The following TXNRD2 variants were observed in gnomAD, a reference collection of about 807,000 sequenced individuals.
The protein encoded by TXNRD2 is thioredoxin reductase 2, mitochondrial.
Under a neutral mutation model 70.8 loss-of-function variants are expected in TXNRD2, and 67 were observed. The ratio of observed to expected loss-of-function variants is 0.95; its 90% CI spans 0.78 to 1.16. The LOEUF (loss-of-function observed/expected upper bound fraction) is 1.16. Ranked by LOEUF, TXNRD2 falls within the 50% of genes most tolerant of loss-of-function variation. The pLI, the probability that TXNRD2 is intolerant of heterozygous loss-of-function variation, is 0.00. For synonymous variants in TXNRD2, 301 were observed against 295.8 expected (o/e 1.02, Z -0.18); for missense variants, 644 against 719.9 (o/e 0.89, Z 1.21).
intron 8 of TXNRD2, chr22:19,903,095 G>A (rs1235330962): frequency 5.9e-6 from 3 of 512,058 alleles, no homozygotes; most frequent in Admixed American, 2.0e-5. Flanking sequence ...CTCAGAGGGT[G>A]GACAGGCCTG....
rs7287073 is a variant in TXNRD2, at chr22:19,876,812, G to A, written c.*65+228C>T. On this transcript the variant is annotated intron_variant, in intron 17 of 17. Transcript: ENST00000400521. ...TTTCTTGATACCTCCTGTGTGTGGG[G>A]AGCAGCTGTGGCCAGGCCGGGGTCT... is the stretch of plus-strand genomic sequence containing the variant. 0.12 allele frequency: 37,052 copies of A among 313,650 alleles called. 2,706 individuals are homozygous for A. The highest frequency in any genetic ancestry group is 0.17 in the Middle Eastern group (205 of 1,174). The allele number at this position is 313,650 out of a possible 1,614,324, so 19.4% of individuals were successfully genotyped here. A position where few individuals can be genotyped will look rare whatever the true frequency, so the allele number is the denominator to read the frequency against.
intron 8 of TXNRD2, 31 bp downstream of exon 8, chr22:19,911,346 G>C (rs1314947471): frequency 6.3e-7 from 1 of 1,580,554 alleles, no homozygotes; most frequent in Non-Finnish European, 8.7e-7. Flanking sequence ...TGAACAAAAA[G>C]AGGACCCCAC....
At chr22:19,896,981 T>C (rs1939537092) in intron 10 of TXNRD2, among the ~76,000 whole-genome samples, 1 of 152,178 alleles carries the variant, frequency 6.6e-6, no homozygotes, top group African/African-American at 2.4e-5. Context: ...CTGCCTAGAC[T>C]GTGCATCCTC....
chr22:19,941,462 C>A, intron 1 of TXNRD2: 1 of 560,978 alleles, frequency 1.8e-6, no homozygotes, highest in Non-Finnish European at 2.8e-6. Context: ...CAGGTGCAGT[C>A]AGCACAGCAG....
Position 19,941,807 on chromosome 22 carries a change from C to T in TXNRD2, c.-4G>A, listed in dbSNP as rs774265748. 6.6e-7 allele frequency: 1 copy of T among 1,509,780 alleles called. No homozygotes were observed. The highest frequency in any genetic ancestry group is 8.8e-7 in the Non-Finnish European group (1 of 1,137,550). The allele number at this position is 1,509,780 out of a possible 1,614,324, so 93.5% of individuals were successfully genotyped here. ...GCGCCACCGCCATTGCCGCCATCGT[C>T]GTGGGGCTTCTGGGGCAGCTAGGGC... On this transcript the variant is annotated 5_prime_UTR_variant, in exon 1 of 18. Transcript: ENST00000400521.
chr22:19,896,545 C>T (rs973855202), intron 10 of TXNRD2, among the ~76,000 whole-genome samples: 6 of 152,094 alleles, frequency 3.9e-5, no homozygotes, highest in Non-Finnish European at 7.4e-5. Flanking sequence ...ACTCTGCTCC[C>T]GCCTAGAAAT....
Position 19,880,338 on chromosome 22 carries a change from GAC to G in TXNRD2, c.1183-69_1183-68del, listed in dbSNP as rs1938709464. On this transcript the variant is annotated intron_variant, in intron 13 of 17. Transcript: ENST00000400521. Reference sequence around the variant, plus strand: ...AAAACCGAAGTTCCCCACTGCATGTGACACAAAGAGCAGCGATCACAGACCAG... The same window carrying G: ...AAAACCGAAGTTCCCCACTGCATGTGACAAAGAGCAGCGATCACAGACCAG... 16 of 1,492,532 alleles carry G rather than the reference GAC, an allele frequency of 1.1e-5. No individual in the cohort carries two copies. In the Admixed American group the frequency reaches 2.8e-4, roughly 26 times the overall value. The allele number at this position is 1,492,532 out of a possible 1,614,324, so 92.5% of individuals were successfully genotyped here.
chr22:19,913,381 C>T (rs1322829237), intron 7 of TXNRD2, among the ~76,000 whole-genome samples: 1 of 152,208 alleles, frequency 6.6e-6, no homozygotes, highest in Admixed American at 6.5e-5. Context: ...CAGCCCTGAA[C>T]AGTGATGTGT....
At chr22:19,890,826 CAGT>C in intron 11 of TXNRD2, among the ~76,000 whole-genome samples, 1 of 152,226 alleles carries the variant, frequency 6.6e-6, no homozygotes, top group East Asian at 1.9e-4. Flanking sequence ...TGAGCAAAGA[CAGT>C]TGCCTGCCGT....
intron 1 of TXNRD2, among the ~76,000 whole-genome samples, chr22:19,934,504 G>C (rs1279275972): frequency 6.6e-6 from 1 of 151,818 alleles, no homozygotes; most frequent in South Asian, 2.1e-4. Context: ...AACATAAATA[G>C]TGAAGATTTC....
intron 8 of TXNRD2, among the ~76,000 whole-genome samples, chr22:19,909,902 C>CT (rs1569094011): frequency 5.2e-4 from 49 of 95,064 alleles, no homozygotes; most frequent in Middle Eastern, 5.6e-3. Flanking sequence ...CACACACACA[C>CT]CACACACCCA....
chr22:19,924,372 C>CA (rs2146068325), intron 2 of TXNRD2, among the ~76,000 whole-genome samples: 1 of 152,328 alleles, frequency 6.6e-6, no homozygotes, highest in Non-Finnish European at 1.5e-5. Flanking sequence ...CCACCCCCCG[C>CA]ACCCTAAGGC....
chr22:19,898,161 A>G (rs1484346728), intron 9 of TXNRD2, 31 bp from the exon 10 acceptor site: 2 of 1,546,946 alleles, frequency 1.3e-6, no homozygotes, highest in South Asian at 2.4e-5. Flanking sequence ...AGCACTGTAG[A>G]TCCCAATTTT....
At chr22:19,891,407 A>T (rs1417298590) in intron 11 of TXNRD2, 1 of 152,366 alleles carries the variant, frequency 6.6e-6, no homozygotes, top group Non-Finnish European at 1.5e-5. Flanking sequence ...CTCACCCTCA[A>T]GAGAGGGACA....
At chr22:19,906,432 C>T (rs1940015643) in intron 8 of TXNRD2, among the ~76,000 whole-genome samples, 1 of 152,098 alleles carries the variant, frequency 6.6e-6, no homozygotes, top group Non-Finnish European at 1.5e-5. Context: ...CAAGACTAGC[C>T]TGGGCCACAT....
intron 7 of TXNRD2, 72 bp from the exon 8 acceptor site, chr22:19,911,519 G>A: frequency 8.5e-7 from 1 of 1,180,266 alleles, no homozygotes. Flanking sequence ...TAAAGAGGAT[G>A]CCAGCTTTGC....
At chr22:19,927,969 G>C (rs1252998591) in intron 2 of TXNRD2, among the ~76,000 whole-genome samples, 1 of 152,020 alleles carries the variant, frequency 6.6e-6, no homozygotes, top group Non-Finnish European at 1.5e-5. Context: ...GAAAGACGTA[G>C]ACATTGAAAA....
intron 1 of TXNRD2, 85 bp downstream of exon 1, chr22:19,941,616 C>A (rs765832115): frequency 4.8e-5 from 65 of 1,359,590 alleles, no homozygotes; most frequent in Non-Finnish European, 6.1e-5. Context: ...ACGGGGACAC[C>A]CTGGCCACCG....
At chr22:19,938,365 A>G (rs954470222) in intron 1 of TXNRD2, among the ~76,000 whole-genome samples, 8 of 152,378 alleles carry the variant, frequency 5.3e-5, no homozygotes, top group African/African-American at 1.7e-4. Flanking sequence ...GAGATAAGAC[A>G]TGGGGCCCTG....
Sources: allele counts gnomAD v4.1 joint callset (sites outside exome capture counted in the v4.1 genomes callset), GRCh38; gene constraint gnomAD v4.1.1; transcripts MANE v1.5; gene names NCBI Gene and HGNC (gene_info 2026-07-23, HGNC 2026-07-21).